SCAND3: variants seen among roughly 807,000 people sequenced by gnomAD.
The protein encoded by SCAND3 is SCAN domain-containing protein 3.
chr6:28,601,148 G>A, the SCAND3 span, among the ~76,000 whole-genome samples: 1 of 151,976 alleles, frequency 6.6e-6, no homozygotes, highest in Non-Finnish European at 1.5e-5. Flanking sequence ...CTCCTGATCC[G>A]CCCACCTCAG....
the SCAND3 span, among the ~76,000 whole-genome samples, chr6:28,580,428 C>T: frequency 1.4e-5 from 2 of 147,690 alleles, no homozygotes; most frequent in Non-Finnish European, 3.0e-5. Context: ...CACGACAGAG[C>T]GAGACTCCGT....
the SCAND3 span, chr6:28,579,345 T>TA: frequency 6.2e-7 from 1 of 1,614,042 alleles, no homozygotes; most frequent in South Asian, 1.1e-5. The surrounding 1 kb of genome is among the most constrained non-coding windows in gnomAD (Gnocchi z 4.5). Context: ...GCTGGGTGCC[T>TA]AAAGACTCCT....
At chr6:28,595,445 A>T in the SCAND3 span, among the ~76,000 whole-genome samples, 1 of 151,734 alleles carries the variant, frequency 6.6e-6, no homozygotes, top group Non-Finnish European at 1.5e-5. Context: ...ATTCTAGGCC[A>T]GGTGCAGTGG....
At chr6:28,591,056 G>C in the SCAND3 span, 1 of 152,130 alleles carries the variant, frequency 6.6e-6, no homozygotes, top group South Asian at 2.1e-4. Context: ...CCATCCTTCC[G>C]ACCAACACCA....
chr6:28,589,856 G>GTTTTTTTTTTTTTTTTTTTTGT, the SCAND3 span: 1 of 116,546 alleles, frequency 8.6e-6, no homozygotes, highest in Non-Finnish European at 1.8e-5. Flanking sequence ...TTTTTTGTTT[G>GTTTTTTTTTTTTTTTTTTTTGT]TTTTTTTTTT....
the SCAND3 span, chr6:28,572,433 A>C: frequency 1.2e-6 from 2 of 1,613,322 alleles, no homozygotes; most frequent in East Asian, 4.5e-5. The surrounding 1 kb of genome is among the most constrained non-coding windows in gnomAD (Gnocchi z 4.1). Flanking sequence ...GAAACATGTC[A>C]TAACAATCTG....
chr6:28,579,801 C>T, the SCAND3 span, among the ~76,000 whole-genome samples: 50 of 150,974 alleles, frequency 3.3e-4, no homozygotes, highest in South Asian at 6.7e-3. This position sits in a 1 kb window ranked among gnomAD's most constrained non-coding sequence, Gnocchi z 4.5. Context: ...AATCCCAGCA[C>T]TTTGGGAGGT....
chr6:28,576,052 T>A, the SCAND3 span: 2 of 1,613,836 alleles, frequency 1.2e-6, no homozygotes, highest in Non-Finnish European at 1.7e-6. Context: ...GTTTTCTGGT[T>A]CAATTTCTGC....
At chr6:28,574,610 C>T in the SCAND3 span, 3 of 1,564,628 alleles carry the variant, frequency 1.9e-6, no homozygotes, top group Non-Finnish European at 2.6e-6. Flanking sequence ...AGATTCTTCC[C>T]CTGCTTTCAT....
At chr6:28,575,738 G>A in the SCAND3 span, 7 of 1,614,022 alleles carry the variant, frequency 4.3e-6, no homozygotes, top group Middle Eastern at 1.7e-4. This position sits in a 1 kb window ranked among gnomAD's most constrained non-coding sequence, Gnocchi z 4.2. Context: ...ATGCGAGTAC[G>A]TCCACCATGT....
At chr6:28,579,511 G>T in the SCAND3 span, 1 of 1,177,640 alleles carries the variant, frequency 8.5e-7, no homozygotes. This position sits in a 1 kb window ranked among gnomAD's most constrained non-coding sequence, Gnocchi z 4.5. Flanking sequence ...TAGAATGTAA[G>T]AAGAAAATCA....
At chr6:28,614,672 C>T in the SCAND3 span, among the ~76,000 whole-genome samples, 1 of 152,052 alleles carries the variant, frequency 6.6e-6, no homozygotes, top group Non-Finnish European at 1.5e-5. Flanking sequence ...ACCATGTTGG[C>T]CAGGCTGGTC....
At chr6:28,573,923 TAAA>T in the SCAND3 span, 1 of 1,330,416 alleles carries the variant, frequency 7.5e-7, no homozygotes, top group Non-Finnish European at 9.8e-7. Context: ...TTGATTAAAA[TAAA>T]AAATTATTTT....
At chr6:28,573,695 T>C in the SCAND3 span, 2 of 1,610,050 alleles carry the variant, frequency 1.2e-6, no homozygotes, top group Admixed American at 1.7e-5. Context: ...CGAGTGAAAC[T>C]AGCATGAACT....
the SCAND3 span, chr6:28,573,157 T>C: frequency 6.2e-7 from 1 of 1,613,332 alleles, no homozygotes; most frequent in South Asian, 1.1e-5. Flanking sequence ...AATTATCATG[T>C]TAGCAATATC....
chr6:28,607,111 T>C, the SCAND3 span, among the ~76,000 whole-genome samples: 3 of 152,358 alleles, frequency 2.0e-5, no homozygotes, highest in African/African-American at 4.8e-5. Context: ...TGAGAAATAC[T>C]GATTATAAAT....
At chr6:28,578,889 T>C in the SCAND3 span, among the ~76,000 whole-genome samples, 56 of 152,274 alleles carry the variant, frequency 3.7e-4, no homozygotes, top group Admixed American at 9.8e-4. Context: ...TATTCTAAGG[T>C]AGAATTTCCA....
chr6:28,590,036 C>G, the SCAND3 span: 1,303 of 152,218 alleles, frequency 8.6e-3, 12 homozygotes, highest in East Asian at 0.066. Context: ...GCCAGCAGCC[C>G]CGGAGGGCTC....
the SCAND3 span, among the ~76,000 whole-genome samples, chr6:28,578,307 AT>A: frequency 6.6e-6 from 1 of 152,216 alleles, no homozygotes; most frequent in African/African-American, 2.4e-5. Flanking sequence ...CCTGAAAATC[AT>A]TATCTATTTA....
Sources: allele counts gnomAD v4.1 joint callset (sites outside exome capture counted in the v4.1 genomes callset), GRCh38; gene constraint gnomAD v4.1.1; non-coding constraint Gnocchi (gnomAD v3.1); transcripts MANE v1.5; gene names NCBI Gene and HGNC (gene_info 2026-07-23, HGNC 2026-07-21).